SUSD4: variants seen among roughly 807,000 people sequenced by gnomAD.
The protein encoded by SUSD4 is sushi domain-containing protein 4.
In SUSD4, 41 loss-of-function variants were observed where a neutral mutation model predicts 50.5. The observed-to-expected ratio is 0.81, with a 90% CI of 0.63 to 1.05. The LOEUF is 1.05. SUSD4 is among the 50% of genes least tolerant of loss of function. The pLI is 0.00. For missense variants in SUSD4, 580 were observed against 634.7 expected, an observed-to-expected ratio of 0.91 and a Z score of 0.93; for synonymous variants, 257 against 257.3, an observed-to-expected ratio of 1.00 and a Z score of 0.01.
At chr1:223,262,789 C>T (rs1662212397) in intron 5 of SUSD4, among the ~76,000 whole-genome samples, 1 of 152,070 alleles carries the variant, frequency 6.6e-6, no homozygotes, top group African/African-American at 2.4e-5. Flanking sequence ...AGATGTAAAC[C>T]TTATTAAAAA....
intron 5 of SUSD4, among the ~76,000 whole-genome samples, chr1:223,236,472 G>A (rs529423314): frequency 2.0e-5 from 3 of 151,164 alleles, no homozygotes; most frequent in African/African-American, 7.3e-5. Context: ...GAGTTTCACA[G>A]TTTTGCATTT....
chr1:223,232,782 C>CAAACCTCAGCTCT (rs1182195848), intron 5 of SUSD4, among the ~76,000 whole-genome samples: 2 of 152,180 alleles, frequency 1.3e-5, no homozygotes, highest in Non-Finnish European at 1.5e-5. Flanking sequence ...AATTTGTGTT[C>CAAACCTCAGCTCT]AAACCTCAGC....
intron 2 of SUSD4, among the ~76,000 whole-genome samples, chr1:223,315,455 C>G (rs1193019335): frequency 6.6e-6 from 1 of 152,230 alleles, no homozygotes; most frequent in Non-Finnish European, 1.5e-5. Context: ...CTACCAATGG[C>G]TCCAACTGGA....
intron 2 of SUSD4, among the ~76,000 whole-genome samples, chr1:223,329,882 C>A (rs1667082697): frequency 6.6e-6 from 1 of 151,112 alleles, no homozygotes; most frequent in African/African-American, 2.4e-5. Flanking sequence ...GGATGGATGG[C>A]TGAATGGCAG....
intron 2 of SUSD4, chr1:223,359,255 A>C: frequency 2.4e-6 from 1 of 411,096 alleles, no homozygotes; most frequent in Non-Finnish European, 5.1e-6. Flanking sequence ...CTTTTACAAT[A>C]AGGTTCTAAC....
At chr1:223,316,152 G>A (rs1470905024) in intron 2 of SUSD4, among the ~76,000 whole-genome samples, 1 of 152,084 alleles carries the variant, frequency 6.6e-6, no homozygotes, top group East Asian at 1.9e-4. Context: ...GAATAACAGG[G>A]CAGAAGAGAG....
chr1:223,335,758 T>C (rs1034691603), intron 2 of SUSD4, among the ~76,000 whole-genome samples: 20 of 152,176 alleles, frequency 1.3e-4, no homozygotes, highest in Admixed American at 1.3e-3. Flanking sequence ...AGCATCAAGA[T>C]AACCAGGCAG....
At chr1:223,245,350 C>T (rs1015388201) in intron 5 of SUSD4, among the ~76,000 whole-genome samples, 4 of 151,338 alleles carry the variant, frequency 2.6e-5, no homozygotes, top group African/African-American at 7.3e-5. Context: ...GGCCCTAATC[C>T]GATCATAAAT....
intron 2 of SUSD4, among the ~76,000 whole-genome samples, chr1:223,339,158 A>G (rs895151219): frequency 6.6e-6 from 1 of 152,234 alleles, no homozygotes; most frequent in African/African-American, 2.4e-5. Flanking sequence ...CAAGTGCTAC[A>G]AAGAGGCTGA....
At chr1:223,364,379 G>C (rs896046648), upstream of SUSD4, among the ~76,000 whole-genome samples, 1 of 147,228 alleles carries the variant, frequency 6.8e-6, no homozygotes, top group African/African-American at 2.5e-5. The surrounding 1 kb of genome is among the most constrained non-coding windows in gnomAD (Gnocchi z 4.5). Context: ...TGGGGGGGCG[G>C]GGACGGGGCG....
At chr1:223,354,590 C>T (rs1307847464) in intron 2 of SUSD4, among the ~76,000 whole-genome samples, 2 of 152,190 alleles carry the variant, frequency 1.3e-5, no homozygotes, top group Non-Finnish European at 2.9e-5. Flanking sequence ...CAAGTATATG[C>T]TGGCATGCTA....
At chr1:223,328,850 A>C (rs992992709) in intron 2 of SUSD4, among the ~76,000 whole-genome samples, 11 of 152,160 alleles carry the variant, frequency 7.2e-5, no homozygotes, top group African/African-American at 2.7e-4. Context: ...TCCCTAGTGG[A>C]GGCAAGTCCT....
chr1:223,295,332 A>G (rs1011351804), intron 2 of SUSD4, among the ~76,000 whole-genome samples: 2 of 152,224 alleles, frequency 1.3e-5, no homozygotes, highest in Non-Finnish European at 2.9e-5. Flanking sequence ...AGATATCCAG[A>G]GCCCTGAAAC....
chr1:223,327,150 C>T (rs989091170), intron 2 of SUSD4, among the ~76,000 whole-genome samples: 1 of 152,174 alleles, frequency 6.6e-6, no homozygotes, highest in African/African-American at 2.4e-5. Flanking sequence ...ACTACTCTGC[C>T]ATGTAAAGGA....
chr1:223,349,045 C>T (rs1018472992), intron 2 of SUSD4, among the ~76,000 whole-genome samples: 14 of 152,234 alleles, frequency 9.2e-5, no homozygotes, highest in East Asian at 1.9e-4. Flanking sequence ...ACTATGCTGT[C>T]TGCCAGGAGG....
intron 5 of SUSD4, among the ~76,000 whole-genome samples, chr1:223,247,346 A>C (rs553736125): frequency 4.6e-5 from 7 of 152,254 alleles, no homozygotes; most frequent in African/African-American, 1.7e-4. Flanking sequence ...GGCTGCCTAG[A>C]ATGGAAATGA....
chr1:223,312,433 G>A (rs572176967), intron 2 of SUSD4, among the ~76,000 whole-genome samples: 1 of 152,216 alleles, frequency 6.6e-6, no homozygotes, highest in East Asian at 1.9e-4. Flanking sequence ...CTGGGGAAAG[G>A]GCACCTGGCT....
intron 4 of SUSD4, among the ~76,000 whole-genome samples, chr1:223,268,028 T>TATATATATATATATATATATATAC (rs1558197107): frequency 2.3e-5 from 2 of 86,828 alleles, no homozygotes; most frequent in African/African-American, 7.3e-5. Flanking sequence ...TATATATATA[T>TATATATATATATATATATATATAC]ATATATATAT....
intron 5 of SUSD4, among the ~76,000 whole-genome samples, chr1:223,248,890 C>T (rs1661116356): frequency 6.6e-6 from 1 of 152,146 alleles, no homozygotes; most frequent in Non-Finnish European, 1.5e-5. Flanking sequence ...TGAAGTGTGC[C>T]TAGTTTCGAA....
Sources: gnomAD v4.1 joint callset for allele counts (sites outside exome capture counted in the v4.1 genomes callset) on GRCh38, gnomAD v4.1.1 for gene constraint, Gnocchi (gnomAD v3.1) non-coding constraint, MANE v1.5 for transcripts, NCBI Gene and HGNC (gene_info 2026-07-23, HGNC 2026-07-21) for gene names.